TMEM74: variants seen among roughly 807,000 people sequenced by gnomAD.
The protein encoded by TMEM74 is transmembrane protein 74.
TMEM74 carries 13 observed loss-of-function variants against 18.1 expected under a neutral mutation model. The ratio of observed to expected loss-of-function variants is 0.72; its 90% CI spans 0.47 to 1.14. TMEM74 has a LOEUF of 1.14. Ranked by LOEUF, TMEM74 falls within the 50% of genes most tolerant of loss-of-function variation. The pLI is 0.00. For missense variants in TMEM74, 372 were observed against 375.9 expected (o/e 0.99, Z 0.09); for synonymous variants, 159 against 146.6 (o/e 1.08, Z -0.61).
chr8:108,658,603 T>A (rs567466793), intron 1 of TMEM74, among the ~76,000 whole-genome samples: 1 of 152,302 alleles, frequency 6.6e-6, no homozygotes, highest in South Asian at 2.1e-4. Context: ...GGAAAAAAGA[T>A]CTCTGAATTT....
chr8:108,785,375 G>C (rs183425912), intron 1 of TMEM74, among the ~76,000 whole-genome samples: 1 of 152,200 alleles, frequency 6.6e-6, no homozygotes, highest in Non-Finnish European at 1.5e-5. Context: ...AGAAAGGTGC[G>C]TGGAGGAAGT....
chr8:108,770,704 T>C (rs1453523417), intron 1 of TMEM74, among the ~76,000 whole-genome samples: 1 of 152,204 alleles, frequency 6.6e-6, no homozygotes, highest in Non-Finnish European at 1.5e-5. Flanking sequence ...ACTTGGATTA[T>C]GTCTCAGTTG....
chr8:108,712,514 C>T (rs976215765), intron 1 of TMEM74, among the ~76,000 whole-genome samples: 1 of 152,152 alleles, frequency 6.6e-6, no homozygotes, highest in African/African-American at 2.4e-5. Flanking sequence ...GCAGATGGGC[C>T]TCCTTGTGGA....
chr8:108,743,055 G>C (rs916820825), intron 1 of TMEM74, among the ~76,000 whole-genome samples: 1 of 152,098 alleles, frequency 6.6e-6, no homozygotes, highest in Non-Finnish European at 1.5e-5. Context: ...TTTATGCATT[G>C]CAACAGCCTT....
At chr8:108,626,378 T>C (rs1308161295) in intron 2 of TMEM74, among the ~76,000 whole-genome samples, 3 of 152,090 alleles carry the variant, frequency 2.0e-5, no homozygotes. Context: ...TATCATTTTG[T>C]TGGCTTACAT....
intron 2 of TMEM74, among the ~76,000 whole-genome samples, chr8:108,618,439 C>T (rs1477166944): frequency 6.6e-6 from 1 of 152,128 alleles, no homozygotes; most frequent in Non-Finnish European, 1.5e-5. Flanking sequence ...CTCTGGTTCT[C>T]AGTTTTATCA....
chr8:108,659,254 A>AACACATACACACACACAAACACACAC (rs1554630406), intron 1 of TMEM74, among the ~76,000 whole-genome samples: 1 of 149,756 alleles, frequency 6.7e-6, no homozygotes, highest in African/African-American at 2.5e-5. Flanking sequence ...ATAGCCCACT[A>AACACATACACACACACAAACACACAC]ACACACACAC....
At chr8:108,611,755 A>G (rs1368616274) in intron 2 of TMEM74, among the ~76,000 whole-genome samples, 3 of 152,250 alleles carry the variant, frequency 2.0e-5, no homozygotes, top group Admixed American at 1.3e-4. Flanking sequence ...TATGTCATCT[A>G]TCACCAGAAG....
intron 1 of TMEM74, among the ~76,000 whole-genome samples, chr8:108,771,871 T>A (rs1393496648): frequency 6.6e-6 from 1 of 152,162 alleles, no homozygotes; most frequent in Non-Finnish European, 1.5e-5. Flanking sequence ...TCCAGATACA[T>A]ACTGTTAAGT....
At chr8:108,786,733 CT>C in intron 1 of TMEM74, among the ~76,000 whole-genome samples, 1 of 152,320 alleles carries the variant, frequency 6.6e-6, no homozygotes, top group East Asian at 1.9e-4. Context: ...GATAACTCTT[CT>C]TCCAGTTTTC....
At position 108,728,875 on chromosome 8, in the gene TMEM74, G is replaced by A. The variant is rs934461802; in HGVS notation, n.119+58601C>T. 5.3e-5 allele frequency among the ~76,000 whole-genome samples: 8 copies of A among 152,132 alleles called. 1 individual carries two copies. The highest frequency in any genetic ancestry group is 3.9e-4 in the Admixed American group (6 of 15,274). ...CCATGTGTTTTTCTAAGCAAAACAG[G>A]AGGCAAAATATGGCAATCCACTTAT... is the stretch of plus-strand genomic sequence containing the variant. On this transcript the variant is annotated intron_variant and non_coding_transcript_variant, in intron 1 of 3. Transcript: ENST00000518838.
At chr8:108,657,854 AAAAAAAT>A (rs1211301274) in intron 1 of TMEM74, among the ~76,000 whole-genome samples, 6 of 58,054 alleles carry the variant, frequency 1.0e-4, no homozygotes, top group Non-Finnish European at 1.8e-4. Flanking sequence ...AAAAAAAAAA[AAAAAAAT>A]ATATATATAT....
Position 108,683,461 on chromosome 8 carries a change from A to G in TMEM74, n.120-28024T>C, listed in dbSNP as rs140501054. 4.0e-3 allele frequency among the ~76,000 whole-genome samples: 608 copies of G among 151,976 alleles called. 6 individuals are homozygous for G. Among genetic ancestry groups the G allele is most frequent in the African/African-American group, 0.011 (457 of 41,558 alleles). On this transcript the variant is annotated intron_variant and non_coding_transcript_variant, in intron 1 of 3. Transcript: ENST00000518838. ...ACAAGTTTTATTCTAGAAGTGTAAGAATGATGTAGCATTCGGAAATTTATT... is the reference window on the plus strand; with the variant it reads ...ACAAGTTTTATTCTAGAAGTGTAAGGATGATGTAGCATTCGGAAATTTATT...
intron 2 of TMEM74, among the ~76,000 whole-genome samples, chr8:108,637,695 A>G (rs1812621046): frequency 6.6e-6 from 1 of 152,154 alleles, no homozygotes; most frequent in Non-Finnish European, 1.5e-5. Context: ...CTACAGAAGG[A>G]AAGAGGAGGG....
chr8:108,765,407 C>CTTTTTTTTTTT (rs61334796), intron 1 of TMEM74, among the ~76,000 whole-genome samples: 3,655 of 120,406 alleles, frequency 0.03, 277 homozygotes, highest in African/African-American at 0.072. Flanking sequence ...TTTGGAACTA[C>CTTTTTTTTTTT]TTTTTTTTTT....
chr8:108,759,585 T>A (rs545572019), intron 1 of TMEM74, among the ~76,000 whole-genome samples: 21 of 152,190 alleles, frequency 1.4e-4, no homozygotes, highest in Non-Finnish European at 2.4e-4. Flanking sequence ...AGATCCTTGA[T>A]ATAAACTGAG....
At chr8:108,705,617 C>A (rs868614387) in intron 1 of TMEM74, among the ~76,000 whole-genome samples, 1 of 152,068 alleles carries the variant, frequency 6.6e-6, no homozygotes, top group East Asian at 1.9e-4. Flanking sequence ...TAATGAATAA[C>A]CTCCTCAAGC....
chr8:108,611,403 A>T (rs1812332378), intron 2 of TMEM74, among the ~76,000 whole-genome samples: 1 of 152,256 alleles, frequency 6.6e-6, no homozygotes, highest in Non-Finnish European at 1.5e-5. Flanking sequence ...ATCTGGGAAT[A>T]AAGTGTTTCT....
At chr8:108,731,554 G>A (rs1370964283) in intron 1 of TMEM74, among the ~76,000 whole-genome samples, 1 of 152,102 alleles carries the variant, frequency 6.6e-6, no homozygotes, top group African/African-American at 2.4e-5. Flanking sequence ...AAATTACTGG[G>A]AGGATTAGGT....
Sources: gnomAD v4.1 joint callset for allele counts (sites outside exome capture counted in the v4.1 genomes callset) on GRCh38, gnomAD v4.1.1 for gene constraint, MANE v1.5 for transcripts, NCBI Gene and HGNC (gene_info 2026-07-23, HGNC 2026-07-21) for gene names.